The following MAP2K5 variants were observed in gnomAD, a reference collection of about 807,000 sequenced individuals.
MAP2K5 encodes dual specificity mitogen-activated protein kinase kinase 5.
A neutral mutation model predicts 83.1 loss-of-function variants in MAP2K5; 49 were observed. The ratio of observed to expected loss-of-function variants is 0.59; its 90% CI spans 0.47 to 0.75. The LOEUF (loss-of-function observed/expected upper bound fraction) is 0.75, where lower values mean the gene tolerates loss of function less well. MAP2K5 is among the 30% of genes least tolerant of loss of function. MAP2K5 has a pLI of 0.00. For missense variants in MAP2K5, 457 were observed against 557.5 expected (o/e 0.82, Z 1.82); for synonymous variants, 202 against 191.8 (o/e 1.05, Z -0.44).
chr15:67,639,901 A>C (rs1255231674), intron 9 of MAP2K5, among the ~76,000 whole-genome samples: 1 of 152,232 alleles, frequency 6.6e-6, no homozygotes, highest in East Asian at 1.9e-4. Flanking sequence ...TCAGCTGAAA[A>C]GCCTGCTCCT....
intron 16 of MAP2K5, among the ~76,000 whole-genome samples, chr15:67,712,807 A>G (rs934311885): frequency 6.6e-6 from 1 of 152,086 alleles, no homozygotes; most frequent in African/African-American, 2.4e-5. Flanking sequence ...AGTCCCAGCT[A>G]CTCAGGAGGC....
In MAP2K5 at chr15:67,805,273, C is replaced by T. The variant is rs553675206; in HGVS notation, c.1243-1373C>T. Among the ~76,000 whole-genome samples the T allele has an allele frequency of 1.1e-4, 16 of 152,304 alleles. No individual in the cohort carries two copies. In the South Asian group the frequency reaches 1.9e-3, roughly 18 times the overall value. On this transcript the variant is annotated intron_variant, in intron 21 of 21. Coordinates refer to ENST00000178640, the MANE Select transcript of MAP2K5 (RefSeq NM_145160.3). Reference sequence around the variant, plus strand: ...CAACCTCGAATGAGAAGGTTGGGGGCGGGCACTGCATCAGCCTAGGATGAG... The same window carrying T: ...CAACCTCGAATGAGAAGGTTGGGGGTGGGCACTGCATCAGCCTAGGATGAG...
intron 3 of MAP2K5, among the ~76,000 whole-genome samples, chr15:67,578,196 G>T (rs1221810805): frequency 3.9e-5 from 6 of 152,276 alleles, no homozygotes; most frequent in Admixed American, 6.5e-5. Context: ...TCCTGGGTTT[G>T]AGCCCTCTGA....
intron 13 of MAP2K5, among the ~76,000 whole-genome samples, chr15:67,672,367 A>G (rs1351114205): frequency 2.0e-5 from 3 of 152,032 alleles, no homozygotes; most frequent in Non-Finnish European, 4.4e-5. Flanking sequence ...AACTGGTGTG[A>G]GATGGTATCT....
chr15:67,727,167 T>G (rs1054941365), intron 16 of MAP2K5, among the ~76,000 whole-genome samples: 5 of 152,202 alleles, frequency 3.3e-5, no homozygotes, highest in African/African-American at 4.8e-5. Context: ...GCCACTGCAC[T>G]CCAGTCTGGG....
rs567988421 is a variant in MAP2K5, at chr15:67,790,257, C to T, written c.1243-16389C>T. Among the ~76,000 whole-genome samples the T allele has an allele frequency of 2.6e-5, 4 of 152,244 alleles. No homozygotes were observed. Among genetic ancestry groups the T allele is most frequent in the Admixed American group, 6.5e-5 (1 of 15,302 alleles). On this transcript the variant is annotated intron_variant, in intron 21 of 21. Coordinates refer to ENST00000178640, the MANE Select transcript of MAP2K5 (RefSeq NM_145160.3). This position sits in a 1 kb window ranked among gnomAD's most constrained non-coding sequence, Gnocchi z 4.6. ...TTCTCAACACTGTCCTGATGGAGCC[C>T]TGACCAGCAAGCGTGCAATGCCCCT...
chr15:67,806,779 A>G lies in MAP2K5; in HGVS notation c.*29A>G. On this transcript the variant is annotated 3_prime_UTR_variant, in exon 22 of 22. Transcript: ENST00000178640. The stretch of plus-strand genomic sequence containing the variant: ...TGCCGCAGGGCACTGAAAGCCCAGG[A>G]CCAGTAACCAAGGAGAACAACCCAC... 1 of 1,585,024 alleles carries G rather than the reference A, an allele frequency of 6.3e-7. No individual in the cohort carries two copies. The highest frequency in any genetic ancestry group is 8.5e-7 in the Non-Finnish European group (1 of 1,171,060).
intron 13 of MAP2K5, among the ~76,000 whole-genome samples, chr15:67,686,391 G>C (rs1045093303): frequency 6.6e-6 from 1 of 152,068 alleles, no homozygotes. Flanking sequence ...CAGATCACGT[G>C]AGTTCAGGAG....
intron 4 of MAP2K5, 106 bp from the exon 5 acceptor site, chr15:67,585,784 C>T (rs746572036): frequency 3.2e-6 from 3 of 935,376 alleles, no homozygotes; most frequent in Non-Finnish European, 5.2e-6. Flanking sequence ...AATCATTTCT[C>T]TCTGCTAATT....
rs553943034 is a variant in MAP2K5 at position 67,753,819 on chromosome 15, G to A, written c.1134+5218G>A. On this transcript the variant is annotated intron_variant, in intron 19 of 21. Coordinates refer to ENST00000178640, the MANE Select transcript of MAP2K5 (RefSeq NM_145160.3). ...GGCCATTCATCAAAAAGCTAAAATA[G>A]AACAATTAAATGACCCAGCAGTTCC... is the stretch of plus-strand genomic sequence containing the variant. Among the ~76,000 whole-genome samples, 3 of 152,256 alleles carry A rather than the reference G, an allele frequency of 2.0e-5. No individual in the cohort carries two copies. The East Asian group carries it at 5.8e-4, about 29-fold the overall frequency.
intron 21 of MAP2K5, among the ~76,000 whole-genome samples, chr15:67,787,775 A>AT (rs968588719): frequency 5.9e-5 from 9 of 152,234 alleles, no homozygotes; most frequent in Admixed American, 4.6e-4. Context: ...TTTAAATGAG[A>AT]TTTTTTAAAT....
intron 6 of MAP2K5, among the ~76,000 whole-genome samples, chr15:67,588,735 C>G (rs1331816469): frequency 1.3e-5 from 2 of 152,212 alleles, no homozygotes; most frequent in Non-Finnish European, 2.9e-5. Context: ...ATCCTTTTCT[C>G]TTCTTTGGAT....
chr15:67,623,961 G>A (rs1166205349), intron 8 of MAP2K5, among the ~76,000 whole-genome samples: 1 of 151,728 alleles, frequency 6.6e-6, no homozygotes, highest in Non-Finnish European at 1.5e-5. Flanking sequence ...AACTCTATAA[G>A]GGAGAGACTG....
intron 11 of MAP2K5, among the ~76,000 whole-genome samples, chr15:67,647,022 A>G (rs1309543165): frequency 1.3e-5 from 2 of 152,176 alleles, no homozygotes; most frequent in Admixed American, 6.5e-5. Context: ...TATTACGGCA[A>G]AATACAGATT....
Position 67,665,965 on chromosome 15 carries a change from C to T in MAP2K5, c.847+1320C>T, listed in dbSNP as rs577822580. Among the ~76,000 whole-genome samples, 14 of 152,258 alleles carry T rather than the reference C, an allele frequency of 9.2e-5. No individual in the cohort carries two copies. The highest frequency in any genetic ancestry group is 5.9e-4 in the Admixed American group (9 of 15,286). ...CTCCTACCTCCGCACACCCAGCTAC[C>T]GGTAAAGTGGTGATAGCCATTTTAA... On this transcript the variant is annotated intron_variant, in intron 13 of 21. Coordinates refer to ENST00000178640, the MANE Select transcript of MAP2K5 (RefSeq NM_145160.3). This position sits in a 1 kb window ranked among gnomAD's most constrained non-coding sequence, Gnocchi z 4.2.
chr15:67,591,214 A>C (rs2085401595), intron 6 of MAP2K5, among the ~76,000 whole-genome samples: 1 of 151,770 alleles, frequency 6.6e-6, no homozygotes, highest in Non-Finnish European at 1.5e-5. Context: ...GCGTGATGGC[A>C]TGCACCTGTA....
intron 19 of MAP2K5, among the ~76,000 whole-genome samples, chr15:67,763,784 C>T (rs1268343067): frequency 1.3e-5 from 2 of 152,182 alleles, no homozygotes; most frequent in East Asian, 1.9e-4. Flanking sequence ...TAGGGTCTGA[C>T]AGGCAACACG....
chr15:67,628,374 G>C (rs952531356), intron 8 of MAP2K5: 2 of 525,382 alleles, frequency 3.8e-6, no homozygotes, highest in South Asian at 4.7e-5. Flanking sequence ...CAGCTACTCG[G>C]GAGGCTGAGG....
chr15:67,787,373 A>G (rs192147152), intron 21 of MAP2K5, among the ~76,000 whole-genome samples: 1 of 152,322 alleles, frequency 6.6e-6, no homozygotes, highest in East Asian at 1.9e-4. Context: ...AGGGAAAATC[A>G]TTAGTATGCT....
Sources: allele counts gnomAD v4.1 joint callset (sites outside exome capture counted in the v4.1 genomes callset), GRCh38; gene constraint gnomAD v4.1.1; non-coding constraint Gnocchi (gnomAD v3.1); transcripts MANE v1.5; gene names NCBI Gene and HGNC (gene_info 2026-07-23, HGNC 2026-07-21).